Variants in TCP11L1 observed in about 807,000 individuals in gnomAD.
TCP11L1 encodes T-complex protein 11-like protein 1.
TCP11L1 carries 28 observed loss-of-function variants against 48.9 expected under a neutral mutation model. The observed-to-expected ratio is 0.57, with a 90% CI of 0.42 to 0.78. TCP11L1 has a LOEUF of 0.78. Ranked by LOEUF, TCP11L1 falls within the 30% of genes least tolerant of loss-of-function variation. The pLI, the probability that TCP11L1 is intolerant of heterozygous loss-of-function variation, is 0.00. For missense variants in TCP11L1, 505 were observed against 613.4 expected (o/e 0.82, Z 1.87); for synonymous variants, 204 against 231.9 (o/e 0.88, Z 1.09).
intron 9 of TCP11L1, among the ~76,000 whole-genome samples, chr11:33,070,571 G>A (rs954931105): frequency 6.6e-6 from 1 of 151,748 alleles, no homozygotes; most frequent in Non-Finnish European, 1.5e-5. Flanking sequence ...TGTGATGCTA[G>A]CTACTTGAGA....
At chr11:33,049,868 G>T (rs1020863659) in intron 2 of TCP11L1, among the ~76,000 whole-genome samples, 1 of 152,190 alleles carries the variant, frequency 6.6e-6, no homozygotes, top group African/African-American at 2.4e-5. Flanking sequence ...CTTTACAGGT[G>T]TTGGGCTGGG....
rs562487470 is a variant in TCP11L1 at position 33,044,454 on chromosome 11, A to G, written c.163+518A>G. Among the ~76,000 whole-genome samples the G allele has an allele frequency of 1.3e-4, 20 of 152,308 alleles. No individual in the cohort carries two copies. In the East Asian group the frequency reaches 2.9e-3, roughly 22 times the overall value. On this transcript the variant is annotated intron_variant, in intron 2 of 9. Transcript: ENST00000334274. ...AAGCCTCTTAAATGAAAGGGTGGCA[A>G]TATCTTCAGGCATTCCCAGTGGTTG...
chr11:33,072,295 G>T (rs1854814331), intron 9 of TCP11L1, among the ~76,000 whole-genome samples, 179 bp from the exon 10 acceptor site: 1 of 152,192 alleles, frequency 6.6e-6, no homozygotes, highest in Admixed American at 6.5e-5. Context: ...AGAGGGGAGA[G>T]AAAACATTAT....
chr11:33,058,096 G>A lies in TCP11L1; in HGVS notation c.595G>A (p.Val199Ile). 2 of 1,614,028 alleles carry A rather than the reference G, an allele frequency of 1.2e-6. No individual in the cohort carries two copies. The highest frequency in any genetic ancestry group is 8.5e-7 in the Non-Finnish European group (1 of 1,180,012). Reference sequence around the variant, plus strand: ...GTGTGCACCTGCTCGAGATGAGGAAGTTAAGAAACTAAAGGACATTAAGGA... The same window carrying A: ...GTGTGCACCTGCTCGAGATGAGGAAATTAAGAAACTAAAGGACATTAAGGA... Reference protein sequence around the residue: ...TLCAPARDEEVKKLKDIKEIV... With the variant: ...TLCAPARDEEIKKLKDIKEIV... Residue 199 changes from valine (V) to isoleucine (I), a missense_variant, in exon 5 of 10, where the codon GTT becomes ATT. Physicochemically the swap from Val to Ile is conservative, Grantham distance 29 (BLOSUM62 3). Coordinates refer to ENST00000334274, the MANE Select transcript of TCP11L1 (RefSeq NM_018393.4).
chr11:33,068,081 T>C (rs1355307173), intron 8 of TCP11L1, among the ~76,000 whole-genome samples: 1 of 152,118 alleles, frequency 6.6e-6, no homozygotes, highest in Non-Finnish European at 1.5e-5. Flanking sequence ...CATGCCCAGC[T>C]AATCTTTTTG....
intron 5 of TCP11L1, 62 bp downstream of exon 5, chr11:33,058,201 CTTTTCTTTT>C: frequency 8.2e-7 from 1 of 1,223,698 alleles, no homozygotes; most frequent in South Asian, 1.6e-5. Context: ...TCTTTTTTTT[CTTTTCTTTT>C]TTTTTTGAGA....
At chr11:33,070,708 A>T (rs1321558500) in intron 9 of TCP11L1, among the ~76,000 whole-genome samples, 1 of 148,516 alleles carries the variant, frequency 6.7e-6, no homozygotes, top group African/African-American at 2.5e-5. Flanking sequence ...AAAAAAAAGA[A>T]TAAGGGTGAT....
In TCP11L1 at chr11:33,073,023, T is replaced by C; in HGVS notation, c.*347T>C. 3.2e-6 allele frequency: 1 copy of C among 310,244 alleles called. No individual in the cohort carries two copies. The highest frequency in any genetic ancestry group is 6.1e-6 in the Non-Finnish European group (1 of 162,806). 19.2% of individuals were successfully genotyped at this position (310,244 alleles called of 1,614,324 possible). On this transcript the variant is annotated 3_prime_UTR_variant, in exon 10 of 10. Coordinates refer to ENST00000334274, the MANE Select transcript of TCP11L1 (RefSeq NM_018393.4). ...AATCTGGGTAGTTCTTTCAGATGCC[T>C]CATGCTGAGCTGACGGCCATCCAAG...
intron 7 of TCP11L1, among the ~76,000 whole-genome samples, chr11:33,062,297 C>G (rs1854490255): frequency 6.6e-6 from 1 of 151,308 alleles, no homozygotes. Context: ...GGTCACTGCC[C>G]TCCCCCCCTC....
At position 33,061,639 on chromosome 11, in the gene TCP11L1, C is replaced by T. The variant is rs1854470354; in HGVS notation, c.885C>T (p.Asp295=). The T allele has an allele frequency of 6.2e-7, 1 of 1,612,850 alleles. No individual in the cohort carries two copies. The highest frequency in any genetic ancestry group is 1.1e-5 in the South Asian group (1 of 90,674). ...PVGGMAAGSG[D]MPRLSPVAVQ... The stretch of plus-strand genomic sequence containing the variant: ...GGGGAATGGCTGCTGGCTCTGGGGA[C>T]ATGCCCAGGCTGAGCCCTGTTGCTG... The change falls in exon 7 of 10, where the codon GAC becomes GAT. Residue 295 remains aspartate, a synonymous_variant. Transcript: ENST00000334274.
intron 6 of TCP11L1, among the ~76,000 whole-genome samples, chr11:33,059,432 C>A (rs1805558163): frequency 6.6e-6 from 1 of 152,172 alleles, no homozygotes; most frequent in African/African-American, 2.4e-5. Flanking sequence ...TGACAGACAT[C>A]CTGTGAATGT....
At chr11:33,045,719 A>G (rs1291056440) in intron 2 of TCP11L1, among the ~76,000 whole-genome samples, 1 of 152,120 alleles carries the variant, frequency 6.6e-6, no homozygotes. Flanking sequence ...CAGTGGAGTC[A>G]AAAGAATGAA....
In TCP11L1 at chr11:33,072,641, G is replaced by A. The variant is rs1854829919; in HGVS notation, c.1495G>A (p.Asp499Asn). 1.2e-6 allele frequency: 2 copies of A among 1,614,084 alleles called. No homozygotes were observed. The highest frequency in any genetic ancestry group is 1.7e-6 in the Non-Finnish European group (2 of 1,180,026). Residue 499 changes from aspartate to asparagine, a missense_variant, in exon 10 of 10, where the codon GAT (aspartate) becomes AAT (asparagine). Around this residue, in one of 3 missense-constraint regions of TCP11L1, gnomAD observed 335 missense variants for 413.3 expected, o/e 0.81. Transcript: ENST00000334274. ...CAAGATGGTCTTCTGTCCCTACTAC[G>A]ATGCAATCCTGAGTAAGATCCTCGT... ...YNKMVFCPYY[D>N]AILSKILVRS
At chr11:33,059,888 T>C (rs1854421006) in intron 6 of TCP11L1, among the ~76,000 whole-genome samples, 1 of 152,190 alleles carries the variant, frequency 6.6e-6, no homozygotes, top group African/African-American at 2.4e-5. Flanking sequence ...AGAAGAAGTT[T>C]GGTAATGTTT....
intron 8 of TCP11L1, among the ~76,000 whole-genome samples, chr11:33,067,309 A>G (rs1854647137): frequency 6.6e-6 from 1 of 152,214 alleles, no homozygotes; most frequent in African/African-American, 2.4e-5. Flanking sequence ...ACAAGGTCCA[A>G]TTCAGAGACT....
At chr11:33,057,435 C>T (rs1342259100) in intron 4 of TCP11L1, among the ~76,000 whole-genome samples, 200 bp downstream of exon 4, 1 of 152,198 alleles carries the variant, frequency 6.6e-6, no homozygotes, top group African/African-American at 2.4e-5. Context: ...AACCTGAAGG[C>T]ATTTAAGACA....
At chr11:33,041,802 C>T (rs1389597457) in intron 1 of TCP11L1, among the ~76,000 whole-genome samples, 2 of 151,838 alleles carry the variant, frequency 1.3e-5, no homozygotes, top group Non-Finnish European at 2.9e-5. Flanking sequence ...ATCCCAGTAA[C>T]TTCATTCTAT....
At chr11:33,071,741 G>A (rs1854795848) in intron 9 of TCP11L1, among the ~76,000 whole-genome samples, 2 of 152,314 alleles carry the variant, frequency 1.3e-5, no homozygotes, top group Admixed American at 1.3e-4. Flanking sequence ...ACCTTTTTAT[G>A]TGATCGTCAG....
intron 9 of TCP11L1, among the ~76,000 whole-genome samples, chr11:33,069,497 A>G (rs1269165179): frequency 2.0e-5 from 3 of 152,110 alleles, no homozygotes; most frequent in African/African-American, 7.2e-5. Flanking sequence ...TTATCACAGC[A>G]ATGGCTTTAT....
Sources: gnomAD v4.1 joint callset for allele counts (sites outside exome capture counted in the v4.1 genomes callset) on GRCh38, gnomAD v4.1.1 for gene constraint, gnomAD v4.1.1 regional missense constraint, MANE v1.5 for transcripts, NCBI Gene and HGNC (gene_info 2026-07-23, HGNC 2026-07-21) for gene names.